Variants in EVC observed in about 807,000 individuals in gnomAD.
The protein encoded by EVC is EvC ciliary complex subunit 1.
A neutral mutation model predicts 118.9 loss-of-function variants in EVC; 116 were observed. The observed-to-expected ratio is 0.98, with a 90% confidence interval of 0.84 to 1.14. The LOEUF (loss-of-function observed/expected upper bound fraction) is 1.14. Among genes scored for constraint, EVC ranks in the 50% most tolerant of loss-of-function variants. The pLI is 0.00. For synonymous variants in EVC, 619 were observed against 534.7 expected (o/e 1.16, Z -2.18); for missense variants, 1,401 against 1,246.4 (o/e 1.12, Z -1.87).
intron 12 of EVC, among the ~76,000 whole-genome samples, chr4:5,786,174 T>C (rs141956664): frequency 6.6e-6 from 1 of 152,198 alleles, no homozygotes; most frequent in Admixed American, 6.5e-5. Context: ...ATGTGAAAAC[T>C]AAGGGTCACA....
rs58903969 is a variant in EVC at position 5,741,907 on chromosome 4, A to C, written c.801+93A>C. The C allele has an allele frequency of 3.9e-3, 2,465 of 634,280 alleles. 53 individuals are homozygous for C. The African/African-American group carries it at 0.041, about 11-fold the overall frequency. The allele number at this position is 634,280 out of a possible 1,614,324, so 39.3% of individuals were successfully genotyped here. A position where few individuals can be genotyped will look rare whatever the true frequency, so the allele number is the denominator to read the frequency against. On this transcript the variant is annotated intron_variant, in intron 6 of 20. Transcript: ENST00000264956. ...GCAAAAATTTTTTTCTTTCATGTAT[A>C]AAATAGCTTATTACAATATATACTT...
chr4:5,741,084 A>C, intron 5 of EVC, among the ~76,000 whole-genome samples: 1 of 152,238 alleles, frequency 6.6e-6, no homozygotes, highest in Non-Finnish European at 1.5e-5. Flanking sequence ...CAGCAATTGC[A>C]TTTGTGGGCA....
At chr4:5,786,676 A>G (rs887145438) in intron 12 of EVC, among the ~76,000 whole-genome samples, 1 of 152,188 alleles carries the variant, frequency 6.6e-6, no homozygotes, top group Non-Finnish European at 1.5e-5. Context: ...GATCGAGACC[A>G]TCCTGGCTAA....
rs1577424514 is a variant in EVC at position 5,749,288 on chromosome 4, A to G, written c.1098+982A>G. ...CCTGGGCCACATTGGAAGAAGAAGA[A>G]TTGTCTTAGGCCACACATAAAATAC... On this transcript the variant is annotated intron_variant, in intron 8 of 20. Transcript: ENST00000264956. This position sits in a 1 kb window ranked among gnomAD's most constrained non-coding sequence, Gnocchi z 4.4. Among the ~76,000 whole-genome samples the G allele has an allele frequency of 1.3e-5, 2 of 149,332 alleles. No homozygotes were observed. The highest frequency in any genetic ancestry group is 4.1e-4 in the East Asian group (2 of 4,928).
chr4:5,782,552 AAAAAAAAAAAAAAAAG>A (rs1446802458), intron 11 of EVC, among the ~76,000 whole-genome samples: 1 of 147,650 alleles, frequency 6.8e-6, no homozygotes, highest in Non-Finnish European at 1.5e-5. Context: ...AAAAAAAAAA[AAAAAAAAAAAAAAAAG>A]ATGTGAGCGG....
chr4:5,733,193 T>C (rs1178128901), intron 4 of EVC, among the ~76,000 whole-genome samples, 158 bp from the exon 5 acceptor site: 3 of 152,286 alleles, frequency 2.0e-5, no homozygotes, highest in South Asian at 2.1e-4. Flanking sequence ...GATCCCTTCT[T>C]ATAAACCTGG....
At chr4:5,767,957 TCCTC>T (rs1349879096) in intron 11 of EVC, among the ~76,000 whole-genome samples, 1 of 152,222 alleles carries the variant, frequency 6.6e-6, no homozygotes, top group African/African-American at 2.4e-5. Flanking sequence ...TTACTTTTCT[TCCTC>T]AGTCTGCTAA....
At chr4:5,821,651 CT>C in the EVC span, 2 of 1,017,190 alleles carry the variant, frequency 2.0e-6, no homozygotes, top group Non-Finnish European at 2.9e-6. This position sits in a 1 kb window ranked among gnomAD's most constrained non-coding sequence, Gnocchi z 4.4. Context: ...CGACTTCCCC[CT>C]CCCTCCATCA....
At chr4:5,804,653 C>T in intron 16 of EVC, 77 bp from the exon 17 acceptor site, 1 of 1,296,616 alleles carries the variant, frequency 7.7e-7, no homozygotes, top group Non-Finnish European at 1.1e-6. Flanking sequence ...TCACCCTGCA[C>T]CCCAGCACCT....
At chr4:5,818,616 G>A (rs907798125), downstream of EVC, among the ~76,000 whole-genome samples, 13 of 152,060 alleles carry the variant, frequency 8.5e-5, no homozygotes, top group African/African-American at 2.4e-4. Context: ...TCATGGGAGC[G>A]GGACCAGCAG....
At chr4:5,711,618 C>T (rs1422097353) in intron 1 of EVC, 64 bp downstream of exon 1, 14 of 1,111,186 alleles carry the variant, frequency 1.3e-5, no homozygotes, top group Non-Finnish European at 1.4e-5. Context: ...CTGGGTCCTG[C>T]GGGCCCGGAG....
intron 15 of EVC, among the ~76,000 whole-genome samples, chr4:5,801,539 G>T (rs570195438): frequency 6.6e-6 from 1 of 152,086 alleles, no homozygotes; most frequent in Non-Finnish European, 1.5e-5. Context: ...AATTAGCCAG[G>T]CCTGGTGGTG....
chr4:5,821,885 T>A, the EVC span: 2 of 1,502,800 alleles, frequency 1.3e-6, no homozygotes, highest in South Asian at 2.4e-5. The surrounding 1 kb of genome is among the most constrained non-coding windows in gnomAD (Gnocchi z 4.4). Context: ...CTGGATGGGA[T>A]CTGTTAGCAT....
the EVC span, among the ~76,000 whole-genome samples, chr4:5,819,618 G>A: frequency 6.6e-6 from 1 of 152,224 alleles, no homozygotes; most frequent in African/African-American, 2.4e-5. Flanking sequence ...AGGTGCTAGG[G>A]CTGCTTCTGC....
rs1369739494 is a variant in EVC at position 5,753,031 on chromosome 4, G to A, written c.1294G>A (p.Glu432Lys). The A allele has an allele frequency of 1.2e-6, 2 of 1,604,608 alleles. No individual in the cohort carries two copies. Among genetic ancestry groups the A allele is most frequent in the South Asian group, 1.1e-5 (1 of 90,050 alleles). ...GCAGCAGCACAAGGCCTTCTGGCAG[G>A]AGGCAGAGCGCTTCAGCCGGGGTGA... ...LTQQHKAFWQ[E>K]AERFSREFVQ... The change falls in exon 9 of 21, where the codon GAG (glutamate) becomes AAG (lysine). Residue 432 changes from glutamate to lysine, a missense_variant. Glu to Lys is a moderately conservative substitution (Grantham distance 56). Coordinates refer to ENST00000264956, the MANE Select transcript of EVC (RefSeq NM_153717.3).
chr4:5,805,135 C>T lies in EVC; in HGVS notation c.2561+294C>T, dbSNP rs73204293. Reference sequence around the variant, plus strand: ...AAGCCATGTTTAGACACGCGCCTACCCTCTCATACTTTGGGCATTCTCAGA... The same window carrying T: ...AAGCCATGTTTAGACACGCGCCTACTCTCTCATACTTTGGGCATTCTCAGA... On this transcript the variant is annotated intron_variant, in intron 17 of 20. Coordinates refer to ENST00000264956, the MANE Select transcript of EVC (RefSeq NM_153717.3). 4.8e-3 allele frequency among the ~76,000 whole-genome samples: 730 copies of T among 152,212 alleles called. 2 individuals carry two copies. Among genetic ancestry groups the T allele is most frequent in the Non-Finnish European group, 7.1e-3 (485 of 68,010 alleles).
intron 12 of EVC, among the ~76,000 whole-genome samples, chr4:5,787,445 T>C (rs1034528946): frequency 6.6e-5 from 10 of 151,926 alleles, no homozygotes; most frequent in African/African-American, 9.7e-5. Flanking sequence ...GAGTGAGGAG[T>C]GAGGAAGACT....
At chr4:5,794,392 T>TA (rs1368797453) in intron 13 of EVC, among the ~76,000 whole-genome samples, 1 of 136,702 alleles carries the variant, frequency 7.3e-6, no homozygotes, top group East Asian at 2.3e-4. Flanking sequence ...TATATATTTT[T>TA]TATATATATA....
In EVC at chr4:5,755,511, G is replaced by A. The variant is rs148875987; in HGVS notation, c.1465-753G>A. 6.6e-6 allele frequency among the ~76,000 whole-genome samples: 1 copy of A among 152,098 alleles called. No homozygotes were observed. Among genetic ancestry groups the A allele is most frequent in the Admixed American group, 6.6e-5 (1 of 15,264 alleles). Reference sequence around the variant, plus strand: ...TCAGCACCCACCTTTTTCCAGTCCCGCCCTTCTCTCTCATCTCACCTCCTG... The same window carrying A: ...TCAGCACCCACCTTTTTCCAGTCCCACCCTTCTCTCTCATCTCACCTCCTG... On this transcript the variant is annotated intron_variant, in intron 10 of 20. Transcript: ENST00000264956. This position sits in a 1 kb window ranked among gnomAD's most constrained non-coding sequence, Gnocchi z 4.1.
Sources: allele counts gnomAD v4.1 joint callset (sites outside exome capture counted in the v4.1 genomes callset), GRCh38; gene constraint gnomAD v4.1.1; non-coding constraint Gnocchi (gnomAD v3.1); transcripts MANE v1.5; gene names NCBI Gene and HGNC (gene_info 2026-07-23, HGNC 2026-07-21).